The following SCHIP1 variants were observed in gnomAD, a reference collection of about 807,000 sequenced individuals.
SCHIP1 encodes the protein schwannomin interacting protein 1.
A neutral mutation model predicts 29.7 loss-of-function variants in SCHIP1; 8 were observed. That is an observed-to-expected ratio of 0.27 (90% confidence interval 0.16 to 0.49). The LOEUF (loss-of-function observed/expected upper bound fraction) is 0.49, where lower values mean the gene tolerates loss of function less well. SCHIP1 is among the 20% of genes least tolerant of loss of function. SCHIP1 has a pLI of 0.99. For synonymous variants in SCHIP1, 76 were observed against 94.9 expected (o/e 0.80, Z 1.16); for missense variants, 193 against 294.6 (o/e 0.66, Z 2.52).
the SCHIP1 span, among the ~76,000 whole-genome samples, chr3:159,385,832 C>G: frequency 6.6e-6 from 1 of 152,148 alleles, no homozygotes; most frequent in African/African-American, 2.4e-5. Flanking sequence ...TCTCCTAATG[C>G]TATCCCTCCC....
chr3:159,635,025 T>G, the SCHIP1 span, among the ~76,000 whole-genome samples: 1 of 152,126 alleles, frequency 6.6e-6, no homozygotes, highest in Non-Finnish European at 1.5e-5. Flanking sequence ...CCTTCGTCTT[T>G]GTATTATAAG....
the SCHIP1 span, among the ~76,000 whole-genome samples, chr3:159,435,980 T>C: frequency 6.6e-6 from 1 of 152,160 alleles, no homozygotes; most frequent in Admixed American, 6.6e-5. Flanking sequence ...CAATTAATCC[T>C]GTTTGCATGA....
At chr3:159,833,556 T>C in the SCHIP1 span, among the ~76,000 whole-genome samples, 2,060 of 152,306 alleles carry the variant, frequency 0.014, 39 homozygotes, top group African/African-American at 0.047. Flanking sequence ...TTGTAGACAG[T>C]TGACCCAGGA....
chr3:159,826,382 TA>T, the SCHIP1 span, among the ~76,000 whole-genome samples: 1 of 152,130 alleles, frequency 6.6e-6, no homozygotes, highest in African/African-American at 2.4e-5. Context: ...CTTTGGAAAA[TA>T]AATTTGATTT....
the SCHIP1 span, among the ~76,000 whole-genome samples, chr3:159,504,070 G>C: frequency 6.6e-6 from 1 of 152,146 alleles, no homozygotes; most frequent in Non-Finnish European, 1.5e-5. Flanking sequence ...TGACTATTCA[G>C]ATCTGTTTTT....
At chr3:159,424,117 A>T in the SCHIP1 span, among the ~76,000 whole-genome samples, 9 of 150,156 alleles carry the variant, frequency 6.0e-5, no homozygotes, top group African/African-American at 2.2e-4. Flanking sequence ...AAAACTGGAA[A>T]CTCTAAAAAG....
the SCHIP1 span, among the ~76,000 whole-genome samples, chr3:159,744,990 AAAAG>A: frequency 4.6e-5 from 7 of 152,088 alleles, no homozygotes; most frequent in Non-Finnish European, 8.8e-5. Flanking sequence ...TCAAAAAAAA[AAAAG>A]AAGAAGAAGA....
At chr3:159,448,212 G>A in the SCHIP1 span, among the ~76,000 whole-genome samples, 2 of 152,138 alleles carry the variant, frequency 1.3e-5, no homozygotes, top group Admixed American at 1.3e-4. Context: ...TGTTCTTCAC[G>A]CCTGTGATCC....
chr3:159,638,627 A>C, the SCHIP1 span, among the ~76,000 whole-genome samples: 2 of 151,782 alleles, frequency 1.3e-5, no homozygotes, highest in African/African-American at 4.8e-5. Flanking sequence ...AAAAAAAAAA[A>C]AAAACAGCTA....
At chr3:159,692,013 C>CTTTTT in the SCHIP1 span, among the ~76,000 whole-genome samples, 7 of 90,942 alleles carry the variant, frequency 7.7e-5, no homozygotes, top group Non-Finnish European at 1.5e-4. Context: ...CCCGACCTTT[C>CTTTTT]TTTTTTTTTT....
chr3:159,686,302 C>A, the SCHIP1 span, among the ~76,000 whole-genome samples: 5 of 152,298 alleles, frequency 3.3e-5, no homozygotes, highest in South Asian at 1.0e-3. Flanking sequence ...TGCCAAAAAT[C>A]TAGTTTAGAG....
At chr3:159,496,674 A>C in the SCHIP1 span, among the ~76,000 whole-genome samples, 3 of 152,216 alleles carry the variant, frequency 2.0e-5, no homozygotes, top group Non-Finnish European at 4.4e-5. Flanking sequence ...ACACTAATTC[A>C]ACCATTGTGG....
the SCHIP1 span, among the ~76,000 whole-genome samples, chr3:159,623,205 T>A: frequency 1.3e-5 from 2 of 152,164 alleles, no homozygotes; most frequent in African/African-American, 4.8e-5. Context: ...ATTTATACTA[T>A]AGATATAATT....
At chr3:159,317,271 A>G in the SCHIP1 span, among the ~76,000 whole-genome samples, 1 of 152,210 alleles carries the variant, frequency 6.6e-6, no homozygotes. Context: ...ACTTAAAGGT[A>G]GGAGAAGCCC....
the SCHIP1 span, among the ~76,000 whole-genome samples, chr3:159,353,277 C>T: frequency 1.3e-5 from 2 of 151,656 alleles, no homozygotes; most frequent in East Asian, 1.9e-4. Context: ...CAAACCTGCA[C>T]GTTGTGCACA....
chr3:159,711,397 A>AG, the SCHIP1 span, among the ~76,000 whole-genome samples: 1 of 134,108 alleles, frequency 7.5e-6, no homozygotes, highest in Non-Finnish European at 1.7e-5. Context: ...AAAAAAAAAA[A>AG]GAAATTTAAA....
At chr3:159,519,699 T>G in the SCHIP1 span, among the ~76,000 whole-genome samples, 1 of 152,020 alleles carries the variant, frequency 6.6e-6, no homozygotes, top group East Asian at 1.9e-4. Context: ...CATTGAATGT[T>G]TCAGGTTTAA....
the SCHIP1 span, among the ~76,000 whole-genome samples, chr3:159,327,882 A>G: frequency 6.6e-6 from 1 of 152,204 alleles, no homozygotes; most frequent in Non-Finnish European, 1.5e-5. Context: ...CCTGGAGGGT[A>G]TATGAGGAAG....
the SCHIP1 span, among the ~76,000 whole-genome samples, chr3:159,301,190 T>C: frequency 2.6e-5 from 4 of 152,116 alleles, no homozygotes; most frequent in South Asian, 4.1e-4. Flanking sequence ...AGTGTCACTA[T>C]TACCCCCCAT....
Sources: gnomAD v4.1 joint callset for allele counts (sites outside exome capture counted in the v4.1 genomes callset) on GRCh38, gnomAD v4.1.1 for gene constraint, MANE v1.5 for transcripts, NCBI Gene and HGNC (gene_info 2026-07-23, HGNC 2026-07-21) for gene names.